The following SNX29 variants were observed in gnomAD, a reference collection of about 807,000 sequenced individuals.
The protein encoded by SNX29 is sorting nexin 29, also known as sorting nexin-29.
Under a neutral mutation model 102.1 loss-of-function variants are expected in SNX29, and 78 were observed. The observed-to-expected ratio is 0.76, with a 90% CI of 0.64 to 0.92. The LOEUF (loss-of-function observed/expected upper bound fraction) is 0.92. SNX29 is among the 40% of genes least tolerant of loss of function. SNX29 has a pLI of 0.00. For missense variants in SNX29, 1,280 were observed against 1,061.7 expected (o/e 1.21, Z -2.86); for synonymous variants, 580 against 414.5 (o/e 1.40, Z -4.85).
chr16:12,271,312 G>A (rs955572132), intron 14 of SNX29, among the ~76,000 whole-genome samples: 1 of 152,222 alleles, frequency 6.6e-6, no homozygotes, highest in Non-Finnish European at 1.5e-5. Context: ...CTGCCCTCAT[G>A]TGGCTCATGG....
chr16:12,340,239 A>G (rs1237812618), intron 15 of SNX29, among the ~76,000 whole-genome samples: 3 of 152,198 alleles, frequency 2.0e-5, no homozygotes, highest in Admixed American at 2.0e-4. Context: ...CAGCTGTAGA[A>G]ATCCTGGTTA....
chr16:12,263,110 C>G (rs1042999154), intron 14 of SNX29, among the ~76,000 whole-genome samples: 3 of 151,568 alleles, frequency 2.0e-5, no homozygotes, highest in African/African-American at 7.3e-5. Context: ...GTCATGTCCT[C>G]TCTTCTTGGA....
At chr16:12,557,670 CTTT>C (rs750368377) in intron 20 of SNX29, 2 of 151,722 alleles carry the variant, frequency 1.3e-5, no homozygotes, top group East Asian at 1.9e-4. Flanking sequence ...CCCAAAAAAT[CTTT>C]TTGATGAGTG....
intron 14 of SNX29, among the ~76,000 whole-genome samples, chr16:12,258,623 C>T (rs1180436649): frequency 6.6e-6 from 1 of 152,160 alleles, no homozygotes; most frequent in Non-Finnish European, 1.5e-5. Context: ...GGGCCCTGAC[C>T]CATGGCAGTC....
intron 16 of SNX29, among the ~76,000 whole-genome samples, chr16:12,362,313 G>A (rs927261184): frequency 4.6e-5 from 7 of 152,270 alleles, no homozygotes; most frequent in Middle Eastern, 3.4e-3. Flanking sequence ...GCAGTCCACA[G>A]GGCTCAGTTA....
At chr16:12,549,715 A>G (rs530206901) in intron 20 of SNX29, among the ~76,000 whole-genome samples, 1 of 152,298 alleles carries the variant, frequency 6.6e-6, no homozygotes, top group African/African-American at 2.4e-5. Flanking sequence ...GGGCCAGGAG[A>G]GTCACCCTAC....
intron 13 of SNX29, among the ~76,000 whole-genome samples, chr16:12,179,358 A>G (rs2076331706): frequency 6.6e-6 from 1 of 152,168 alleles, no homozygotes; most frequent in Non-Finnish European, 1.5e-5. Flanking sequence ...GGGGGTGCAC[A>G]CCTGTAGGCC....
intron 20 of SNX29, among the ~76,000 whole-genome samples, chr16:12,535,462 T>G (rs2077048791): frequency 6.6e-6 from 1 of 152,186 alleles, no homozygotes; most frequent in Non-Finnish European, 1.5e-5. Flanking sequence ...ATCCTTTCTT[T>G]GAGGTTAGTG....
chr16:12,399,984 A>G (rs560689714), intron 17 of SNX29, among the ~76,000 whole-genome samples: 1 of 152,096 alleles, frequency 6.6e-6, no homozygotes, highest in African/African-American at 2.4e-5. Flanking sequence ...GAATTCACCC[A>G]TGTCCTGCTG....
intron 4 of SNX29, 71 bp from the exon 5 acceptor site, chr16:12,042,826 C>G (rs2049937783): frequency 1.3e-6 from 2 of 1,488,850 alleles, no homozygotes; most frequent in South Asian, 1.3e-5. Flanking sequence ...CGCCTAGAGG[C>G]TTTGTGTGTT....
intron 8 of SNX29, among the ~76,000 whole-genome samples, chr16:12,053,575 T>C (rs1268502300): frequency 6.6e-6 from 1 of 152,040 alleles, no homozygotes; most frequent in African/African-American, 2.4e-5. Flanking sequence ...AATGTATCTT[T>C]CTATCTGACC....
intron 18 of SNX29, among the ~76,000 whole-genome samples, chr16:12,429,409 G>A (rs922387494): frequency 2.6e-5 from 4 of 152,084 alleles, no homozygotes; most frequent in East Asian, 1.9e-4. Context: ...ACATGTAAAC[G>A]TCTGTGTTCT....
At chr16:12,540,494 T>C (rs761418948) in intron 20 of SNX29, among the ~76,000 whole-genome samples, 3 of 152,256 alleles carry the variant, frequency 2.0e-5, no homozygotes, top group South Asian at 2.1e-4. Flanking sequence ...TCGGCAGGGC[T>C]GGCGCCTTCT....
intron 18 of SNX29, among the ~76,000 whole-genome samples, chr16:12,406,888 G>A (rs1055246955): frequency 4.6e-5 from 7 of 152,182 alleles, no homozygotes; most frequent in East Asian, 1.9e-4. Flanking sequence ...AAGCCTGGGC[G>A]ACAGAGCGAG....
chr16:11,978,409 G>A (rs2055348408), intron 1 of SNX29, among the ~76,000 whole-genome samples: 2 of 152,190 alleles, frequency 1.3e-5, no homozygotes, highest in South Asian at 4.1e-4. Context: ...CGACCATTCT[G>A]GGAGTCCCAG....
At chr16:12,432,378 C>T (rs1040193675) in intron 18 of SNX29, among the ~76,000 whole-genome samples, 13 of 152,160 alleles carry the variant, frequency 8.5e-5, no homozygotes, top group Admixed American at 6.5e-4. Context: ...TGTAAATATT[C>T]ATGATGAGTA....
Position 12,028,884 on chromosome 16 carries a change from G to A in SNX29, c.247+1440G>A, listed in dbSNP as rs190167314. Reference sequence around the variant, plus strand: ...CTGCCTGAGCCTCCCGAGTAGCTGGGATTACAGGTGCCCACCACCATGCCT... The same window carrying A: ...CTGCCTGAGCCTCCCGAGTAGCTGGAATTACAGGTGCCCACCACCATGCCT... On this transcript the variant is annotated intron_variant, in intron 4 of 20. Coordinates refer to ENST00000566228, the MANE Select transcript of SNX29 (RefSeq NM_032167.5). 5.9e-4 allele frequency among the ~76,000 whole-genome samples: 90 copies of A among 151,968 alleles called. No homozygotes were observed. The Middle Eastern group carries it at 0.017, about 29-fold the overall frequency.
At chr16:12,374,759 TC>T (rs1255807822) in intron 16 of SNX29, 1 of 152,120 alleles carries the variant, frequency 6.6e-6, no homozygotes, top group Non-Finnish European at 1.5e-5. Flanking sequence ...CACCCCCAGA[TC>T]AGCTGCAGGA....
intron 15 of SNX29, among the ~76,000 whole-genome samples, chr16:12,348,533 G>A (rs978464283): frequency 6.6e-6 from 1 of 150,884 alleles, no homozygotes; most frequent in Non-Finnish European, 1.5e-5. Context: ...CCTTTCCCCG[G>A]CTCTGTGTGT....
Sources: allele counts gnomAD v4.1 joint callset (sites outside exome capture counted in the v4.1 genomes callset), GRCh38; gene constraint gnomAD v4.1.1; transcripts MANE v1.5; gene names NCBI Gene and HGNC (gene_info 2026-07-23, HGNC 2026-07-21).